Variants in GDAP1 observed in about 807,000 individuals in gnomAD.
GDAP1 encodes ganglioside induced differentiation associated protein 1, also known as ganglioside-induced differentiation-associated protein 1.
A neutral mutation model predicts 40.1 loss-of-function variants in GDAP1; 34 were observed. The observed-to-expected ratio is 0.85, with a 90% confidence interval of 0.64 to 1.13. GDAP1 has a LOEUF of 1.13. Ranked by LOEUF, GDAP1 falls within the 50% of genes most tolerant of loss-of-function variation. The pLI is 0.00. For missense variants in GDAP1, 374 were observed against 433.7 expected (o/e 0.86, Z 1.22); for synonymous variants, 170 against 157.4 (o/e 1.08, Z -0.60).
chr8:74,461,629 G>T (rs548668705), intron 2 of GDAP1, among the ~76,000 whole-genome samples: 1 of 152,294 alleles, frequency 6.6e-6, no homozygotes, highest in South Asian at 2.1e-4. Context: ...TAAATGTTAG[G>T]TGACTAATTG....
intron 2 of GDAP1, among the ~76,000 whole-genome samples, chr8:74,402,908 G>GTTT (rs1226332391): frequency 6.7e-6 from 1 of 149,814 alleles, no homozygotes; most frequent in African/African-American, 2.5e-5. Context: ...TGTTGTTGTT[G>GTTT]TTGTTGTTGA....
intron 2 of GDAP1, among the ~76,000 whole-genome samples, chr8:74,358,670 T>G (rs1401668975): frequency 1.3e-5 from 2 of 152,204 alleles, no homozygotes; most frequent in East Asian, 3.9e-4. Context: ...AATTAACGTC[T>G]TAGTATTTCT....
At chr8:74,370,878 CAA>C (rs1324466703), downstream of GDAP1, among the ~76,000 whole-genome samples, 3 of 152,024 alleles carry the variant, frequency 2.0e-5, no homozygotes, top group East Asian at 1.9e-4. Flanking sequence ...TTACAAGAGA[CAA>C]AGAGGGACAT....
intron 2 of GDAP1, among the ~76,000 whole-genome samples, chr8:74,354,199 A>T (rs1809001496): frequency 6.6e-6 from 1 of 152,182 alleles, no homozygotes; most frequent in Non-Finnish European, 1.5e-5. Context: ...AATTGTTTTT[A>T]TACTTTATTT....
At chr8:74,361,647 G>A (rs1403420961) in intron 3 of GDAP1, among the ~76,000 whole-genome samples, 2 of 151,964 alleles carry the variant, frequency 1.3e-5, no homozygotes, top group Admixed American at 6.6e-5. Context: ...CTCCCGCCTC[G>A]GCCTCCCAAA....
intron 2 of GDAP1, 44 bp from the exon 3 acceptor site, chr8:74,360,093 T>C (rs770674786): frequency 1.4e-6 from 2 of 1,436,284 alleles, no homozygotes; most frequent in Middle Eastern, 1.7e-4. Context: ...GTGTAACAAC[T>C]CATGTGTAAC....
intron 2 of GDAP1, among the ~76,000 whole-genome samples, chr8:74,480,234 G>T (rs1461891101): frequency 6.6e-6 from 1 of 151,886 alleles, no homozygotes; most frequent in Non-Finnish European, 1.5e-5. Context: ...AAGATCACCC[G>T]CCTCGGCCTC....
intron 2 of GDAP1, among the ~76,000 whole-genome samples, chr8:74,386,445 A>G (rs898321331): frequency 5.3e-5 from 8 of 152,168 alleles, no homozygotes; most frequent in Non-Finnish European, 1.2e-4. Flanking sequence ...TTAAATAGGG[A>G]ATCCTTTCCT....
At chr8:74,385,583 G>A (rs144477181) in intron 2 of GDAP1, among the ~76,000 whole-genome samples, 3 of 152,254 alleles carry the variant, frequency 2.0e-5, no homozygotes, top group Admixed American at 6.5e-5. Flanking sequence ...TATCATTGAT[G>A]GACATTTGGA....
Position 74,351,300 on chromosome 8 carries a change from A to AT in GDAP1, c.146dup (p.Leu49PhefsTer7). 1 of 1,614,186 alleles carries AT rather than the reference A, an allele frequency of 6.2e-7. No homozygotes were observed. The highest frequency in any genetic ancestry group is 8.5e-7 in the Non-Finnish European group (1 of 1,179,986). ...TGCGCTTGGTAATTGCTGAAAAGGC[A>AT]TTGAAGTGCGAGGAACATGATGTAA... On this transcript the variant is annotated frameshift_variant, in exon 2 of 6. Coordinates refer to ENST00000220822, the MANE Select transcript of GDAP1 (RefSeq NM_018972.4). LOFTEE classifies it high-confidence loss of function.
At chr8:74,372,455 G>A (rs907331613) in intron 2 of GDAP1, among the ~76,000 whole-genome samples, 46 of 152,184 alleles carry the variant, frequency 3.0e-4, no homozygotes, top group Non-Finnish European at 6.2e-4. Flanking sequence ...TTTAATGATC[G>A]CCATTCTAAC....
chr8:74,372,193 A>C (rs1255814921), intron 2 of GDAP1, among the ~76,000 whole-genome samples: 2 of 152,072 alleles, frequency 1.3e-5, no homozygotes, highest in African/African-American at 4.8e-5. Flanking sequence ...GTTGGTTCCA[A>C]GTCTTTGGTA....
chr8:74,456,558 C>T (rs1403151572), intron 2 of GDAP1, among the ~76,000 whole-genome samples: 1 of 151,868 alleles, frequency 6.6e-6, no homozygotes, highest in Non-Finnish European at 1.5e-5. Context: ...TTTAATGGTG[C>T]TGATACTTCA....
chr8:74,363,146 C>T, intron 5 of GDAP1, 93 bp downstream of exon 5: 1 of 727,892 alleles, frequency 1.4e-6, no homozygotes, highest in South Asian at 1.5e-5. Flanking sequence ...CTGTAATCTG[C>T]TTTTCATTGT....
intron 2 of GDAP1, among the ~76,000 whole-genome samples, chr8:74,374,562 T>A (rs1254466899): frequency 2.0e-5 from 3 of 152,088 alleles, no homozygotes; most frequent in Non-Finnish European, 2.9e-5. Context: ...AACTCAAAAT[T>A]CATCCTTGGA....
At chr8:74,407,557 C>A (rs993548715) in intron 2 of GDAP1, among the ~76,000 whole-genome samples, 3 of 149,824 alleles carry the variant, frequency 2.0e-5, no homozygotes, top group Non-Finnish European at 4.4e-5. Context: ...CAGACTGAGT[C>A]ACTACTGGCA....
chr8:74,432,334 A>T (rs902122121), intron 2 of GDAP1, among the ~76,000 whole-genome samples: 1 of 152,176 alleles, frequency 6.6e-6, no homozygotes, highest in Non-Finnish European at 1.5e-5. Flanking sequence ...TAGCACTAGC[A>T]AGTAAATTTT....
At chr8:74,385,018 T>C (rs1352418264) in intron 2 of GDAP1, among the ~76,000 whole-genome samples, 1 of 152,112 alleles carries the variant, frequency 6.6e-6, no homozygotes, top group Non-Finnish European at 1.5e-5. Context: ...AGCTAAACAC[T>C]AATCTATTAA....
At chr8:74,373,231 G>T (rs573057029) in intron 2 of GDAP1, among the ~76,000 whole-genome samples, 1 of 152,220 alleles carries the variant, frequency 6.6e-6, no homozygotes, top group South Asian at 2.1e-4. Flanking sequence ...GATTGACTTG[G>T]CAATGCAGGC....
Sources: allele counts gnomAD v4.1 joint callset (sites outside exome capture counted in the v4.1 genomes callset), GRCh38; gene constraint gnomAD v4.1.1; transcripts MANE v1.5; gene names NCBI Gene and HGNC (gene_info 2026-07-23, HGNC 2026-07-21).